CDH11: variants seen among roughly 807,000 people sequenced by gnomAD.
CDH11 encodes the protein cadherin-11.
Under a neutral mutation model 67.8 loss-of-function variants are expected in CDH11, and 11 were observed. The ratio of observed to expected loss-of-function variants is 0.16; its 90% CI spans 0.10 to 0.27. CDH11 has a LOEUF of 0.27. Ranked by LOEUF, CDH11 falls within the 10% of genes least tolerant of loss-of-function variation. CDH11 has a pLI of 1.00. For missense variants in CDH11, 847 were observed against 1,031.2 expected (o/e 0.82, Z 2.45); for synonymous variants, 419 against 400.0 (o/e 1.05, Z -0.57).
At chr16:64,973,454 A>G (rs995211750) in intron 8 of CDH11, among the ~76,000 whole-genome samples, 3 of 152,212 alleles carry the variant, frequency 2.0e-5, no homozygotes, top group Non-Finnish European at 4.4e-5. Flanking sequence ...AAATCCGTTC[A>G]AGTGTATTTA....
At chr16:65,099,703 G>A (rs564775978) in intron 1 of CDH11, among the ~76,000 whole-genome samples, 1 of 152,270 alleles carries the variant, frequency 6.6e-6, no homozygotes, top group South Asian at 2.1e-4. Context: ...TGGAAATGTA[G>A]AAATATAAAA....
At chr16:65,039,695 C>A (rs557492384) in intron 2 of CDH11, among the ~76,000 whole-genome samples, 55 of 152,158 alleles carry the variant, frequency 3.6e-4, no homozygotes, top group African/African-American at 1.3e-3. Flanking sequence ...GCAACAAAAG[C>A]CAAAATTGAC....
chr16:65,056,784 C>A (rs909080401), intron 1 of CDH11, among the ~76,000 whole-genome samples: 1 of 152,064 alleles, frequency 6.6e-6, no homozygotes, highest in Admixed American at 6.6e-5. Context: ...CTGGGGCCAG[C>A]GTGTTTAAAA....
chr16:65,122,166 T>A, upstream of CDH11: 1 of 550,524 alleles, frequency 1.8e-6, no homozygotes, highest in Non-Finnish European at 3.2e-6. Context: ...AGGCTGCCGC[T>A]GTGAGGGAAG....
intron 4 of CDH11, among the ~76,000 whole-genome samples, chr16:64,997,360 CT>C: frequency 6.7e-6 from 1 of 148,604 alleles, no homozygotes; most frequent in East Asian, 2.0e-4. Context: ...CATGTACCCC[CT>C]GAATCTAAAA....
chr16:64,968,624 G>T, intron 11 of CDH11: 1 of 884,080 alleles, frequency 1.1e-6, no homozygotes, highest in Non-Finnish European at 1.4e-6. Context: ...GTATTAAGAT[G>T]GCTTTTCCTC....
At chr16:64,980,114 G>A (rs1021897235) in intron 8 of CDH11, among the ~76,000 whole-genome samples, 5 of 152,136 alleles carry the variant, frequency 3.3e-5, no homozygotes, top group East Asian at 1.9e-4. Context: ...CTTTTGTGGG[G>A]GGGATCAATA....
intron 2 of CDH11, among the ~76,000 whole-genome samples, chr16:65,040,072 T>G (rs2142660254): frequency 6.6e-6 from 1 of 152,272 alleles, no homozygotes; most frequent in Non-Finnish European, 1.5e-5. Context: ...CTGGAGAGGA[T>G]GTGGAGAAAT....
intron 1 of CDH11, among the ~76,000 whole-genome samples, chr16:65,080,453 A>G (rs2074591328): frequency 6.6e-6 from 1 of 152,216 alleles, no homozygotes; most frequent in African/African-American, 2.4e-5. Flanking sequence ...CAAACACACC[A>G]GTATGATTTT....
At chr16:65,105,369 AG>A (rs2075050959) in intron 1 of CDH11, among the ~76,000 whole-genome samples, 1 of 152,164 alleles carries the variant, frequency 6.6e-6, no homozygotes, top group Non-Finnish European at 1.5e-5. Flanking sequence ...TGAGTTTCCC[AG>A]GGGGAGCACT....
At chr16:65,122,181 G>A, upstream of CDH11, 1 of 551,606 alleles carries the variant, frequency 1.8e-6, no homozygotes, top group Admixed American at 3.5e-5. Flanking sequence ...GGGAAGGAAA[G>A]GGCGGGGGCT....
chr16:64,991,938 G>A lies in CDH11; in HGVS notation c.644-3C>T. On this transcript the variant is annotated splice_polypyrimidine_tract_variant and splice_region_variant and intron_variant, in intron 5 of 12. Transcript: ENST00000268603. ...GGGTAGGGCTGTTCTGATGATACCT[G>A]GACAGGTAAGCAGGCAACATCACAG... 6.3e-7 allele frequency: 1 copy of A among 1,592,232 alleles called. No homozygotes were observed. Among genetic ancestry groups the A allele is most frequent in the Non-Finnish European group, 8.6e-7 (1 of 1,162,936 alleles).
intron 11 of CDH11, among the ~76,000 whole-genome samples, chr16:64,957,634 C>CACACACA (rs1341420363): frequency 2.2e-5 from 2 of 91,754 alleles, no homozygotes; most frequent in Non-Finnish European, 2.1e-5. Context: ...ACACACACAC[C>CACACACA]CATCCATATA....
intron 11 of CDH11, among the ~76,000 whole-genome samples, chr16:64,951,343 A>G (rs1476152645): frequency 6.6e-6 from 1 of 152,132 alleles, no homozygotes. Context: ...ACCCTCAGCC[A>G]CCCGGTTAAA....
intron 7 of CDH11, among the ~76,000 whole-genome samples, chr16:64,984,039 T>A (rs964592493): frequency 1.3e-5 from 2 of 152,192 alleles, no homozygotes; most frequent in African/African-American, 4.8e-5. Context: ...CAGTTTCACA[T>A]CCCAAGCTAG....
chr16:65,075,389 C>G lies in CDH11; in HGVS notation c.-297-21461G>C, dbSNP rs148284577. On this transcript the variant is annotated intron_variant, in intron 1 of 12. Coordinates refer to ENST00000268603, the MANE Select transcript of CDH11 (RefSeq NM_001797.4). ...TGTCTCCAAGTGGGATGAGGGGGCT[C>G]TCTTCATCAAATCCTACTTACGGGA... Among the ~76,000 whole-genome samples, 634 of 152,304 alleles carry G rather than the reference C, an allele frequency of 4.2e-3. 4 individuals carry two copies. Among genetic ancestry groups the G allele is most frequent in the Non-Finnish European group, 6.8e-3 (461 of 68,024 alleles).
chr16:65,018,336 T>C (rs1393591299), intron 2 of CDH11, among the ~76,000 whole-genome samples: 1 of 152,158 alleles, frequency 6.6e-6, no homozygotes, highest in Admixed American at 6.5e-5. Context: ...AAGCAGTCTG[T>C]TTGAATCTGA....
chr16:65,055,352 C>G (rs559097951), intron 1 of CDH11, among the ~76,000 whole-genome samples: 3 of 152,108 alleles, frequency 2.0e-5, no homozygotes, highest in Non-Finnish European at 2.9e-5. Flanking sequence ...CCACCCTGGT[C>G]GGTCCAAAAG....
At chr16:64,985,332 C>T (rs2072458343) in intron 7 of CDH11, 1 of 151,838 alleles carries the variant, frequency 6.6e-6, no homozygotes, top group Non-Finnish European at 1.5e-5. Flanking sequence ...ACTACTATCT[C>T]ACTACCTCTT....
Sources: allele counts gnomAD v4.1 joint callset (sites outside exome capture counted in the v4.1 genomes callset), GRCh38; gene constraint gnomAD v4.1.1; transcripts MANE v1.5; gene names NCBI Gene and HGNC (gene_info 2026-07-23, HGNC 2026-07-21).